The following VSIG10L2 variants were observed in gnomAD, a reference collection of about 807,000 sequenced individuals.
VSIG10L2 encodes V-set and immunoglobulin domain containing 10 like 2.
VSIG10L2 carries 56 observed loss-of-function variants against 67.1 expected under a neutral mutation model. The observed-to-expected ratio is 0.83, with a 90% CI of 0.67 to 1.04. VSIG10L2 has a LOEUF of 1.04. VSIG10L2 is among the 50% of genes least tolerant of loss of function. The probability of loss-of-function intolerance (pLI) is 0.00; values close to 1 mark genes in which losing one functional copy is unlikely to be tolerated. For synonymous variants in VSIG10L2, 360 were observed against 396.6 expected (o/e 0.91, Z 1.10); for missense variants, 843 against 932.8 (o/e 0.90, Z 1.25).
rs1945359395 is a variant in VSIG10L2, at chr11:125,950,939, G to A, written c.1015G>A (p.Val339Met). The stretch of plus-strand genomic sequence containing the variant: ...CCCTGAGGGACAGCCCTCCTGTGCA[G>A]TGCATCCCAGCCCTGAGGCTGTGAC... The part of the protein sequence containing the change: ...YPPEGQPSCA[V>M]HPSPEAVTLL... The change falls in exon 5 of 12, where the codon GTG becomes ATG. Residue 339 changes from valine to methionine, a missense_variant. Physicochemically the swap from Val to Met is conservative, Grantham distance 21 (BLOSUM62 1). Around this residue, in one of 2 missense-constraint regions of VSIG10L2, gnomAD observed 446 missense variants for 548.4 expected, o/e 0.81. Coordinates refer to ENST00000686984, the MANE Select transcript of VSIG10L2 (RefSeq NM_001365077.2). The A allele has an allele frequency of 8.1e-7, 1 of 1,232,494 alleles. No individual in the cohort carries two copies. 76.3% of individuals were successfully genotyped at this position (1,232,494 alleles called of 1,614,324 possible). A position where few individuals can be genotyped will look rare whatever the true frequency, so the allele number is the denominator to read the frequency against.
chr11:125,949,368 A>G (rs1945335219), intron 3 of VSIG10L2, among the ~76,000 whole-genome samples: 1 of 152,146 alleles, frequency 6.6e-6, no homozygotes, highest in Non-Finnish European at 1.5e-5. Flanking sequence ...CTGGTCTTAG[A>G]CGTTTTAAGG....
Position 125,951,106 on chromosome 11 carries a change from C to T in VSIG10L2, c.1182C>T (p.Cys394=). 1 of 1,232,914 alleles carries T rather than the reference C, an allele frequency of 8.1e-7. No individual in the cohort carries two copies. 76.4% of individuals were successfully genotyped at this position (1,232,914 alleles called of 1,614,324 possible). The change falls in exon 5 of 12, where the codon TGC becomes TGT. Residue 394 remains cysteine (C), a synonymous_variant. Coordinates refer to ENST00000686984, the MANE Select transcript of VSIG10L2 (RefSeq NM_001365077.2). ...AQLPSGSVFT[C]TGQHPALAPP... ...TCCCCAGTGGCAGCGTCTTCACCTG[C>T]ACTGGCCAGCACCCAGCCCTGGCAC...
intron 1 of VSIG10L2, chr11:125,947,394 G>C (rs926411175): frequency 3.7e-5 from 36 of 984,892 alleles, no homozygotes; most frequent in Non-Finnish European, 4.2e-5. Context: ...TGACGTCCAC[G>C]AATCTGCCTT....
intron 9 of VSIG10L2, among the ~76,000 whole-genome samples, 54 bp from the exon 10 acceptor site, chr11:125,955,428 T>C (rs1455641990): frequency 6.6e-6 from 1 of 152,214 alleles, no homozygotes; most frequent in Non-Finnish European, 1.5e-5. Flanking sequence ...GCCATTCTCC[T>C]GGGATCTCTG....
In VSIG10L2 at chr11:125,947,756, C is replaced by A; in HGVS notation, c.153C>A (p.Ser51=). The change falls in exon 2 of 12, where the codon TCC becomes TCA. Residue 51 remains serine (S), a synonymous_variant. Transcript: ENST00000686984. ...CTGTCCAGGGAGTGCGAGGTGGCTC[C>A]GTGGAGCTGGCCTGTGGCTCAGGGC... ...VVSVQGVRGG[S]VELACGSGPA... 1.6e-6 allele frequency: 2 copies of A among 1,232,424 alleles called. No individual in the cohort carries two copies. Among genetic ancestry groups the A allele is most frequent in the Non-Finnish European group, 1.0e-6 (1 of 988,192 alleles). 76.3% of individuals were successfully genotyped at this position (1,232,424 alleles called of 1,614,324 possible).
At chr11:125,953,852 T>C (rs182648282) in intron 7 of VSIG10L2, among the ~76,000 whole-genome samples, 162 bp downstream of exon 7, 73 of 152,328 alleles carry the variant, frequency 4.8e-4, no homozygotes, top group African/African-American at 1.6e-3. Context: ...ATGGGCAACA[T>C]GCGCGTGAAT....
intron 1 of VSIG10L2, 143 bp from the exon 2 acceptor site, chr11:125,947,543 A>C: frequency 8.1e-7 from 1 of 1,230,708 alleles, no homozygotes; most frequent in African/African-American, 1.5e-5. Flanking sequence ...CACCAACTCC[A>C]GAAGTGCTTT....
intron 3 of VSIG10L2, among the ~76,000 whole-genome samples, chr11:125,949,289 C>T (rs1018099385): frequency 3.1e-5 from 4 of 128,486 alleles, no homozygotes; most frequent in African/African-American, 1.2e-4. Context: ...GTCATTTTTA[C>T]GTAAGATTTG....
Position 125,954,239 on chromosome 11 carries a change from G to A in VSIG10L2, c.1939G>A (p.Ala647Thr). Residue 647 changes from alanine to threonine, a missense_variant, in exon 8 of 12, where the codon GCG becomes ACG. Ala to Thr is a moderately conservative substitution (Grantham distance 58). Coordinates refer to ENST00000686984, the MANE Select transcript of VSIG10L2 (RefSeq NM_001365077.2). Reference protein sequence around the residue: ...KASALGPGAGAWETAASDIEP... With the variant: ...KASALGPGAGTWETAASDIEP... ...CAGTGCCCTGGGCCCAGGAGCTGGG[G>A]CGTGGGAGACAGCAGCTAGTGACAT... The A allele has an allele frequency of 1.5e-5, 19 of 1,232,244 alleles. No homozygotes were observed. The highest frequency in any genetic ancestry group is 1.9e-5 in the Non-Finnish European group (19 of 988,054). The allele number at this position is 1,232,244 out of a possible 1,614,324, so 76.3% of individuals were successfully genotyped here. A position where few individuals can be genotyped will look rare whatever the true frequency, so the allele number is the denominator to read the frequency against.
rs983872332 is a variant in VSIG10L2 at position 125,953,636 on chromosome 11, G to A, written c.1732G>A (p.Val578Met). The A allele has an allele frequency of 3.3e-5, 41 of 1,232,158 alleles. No homozygotes were observed. The highest frequency in any genetic ancestry group is 8.4e-5 in the Admixed American group (2 of 23,708). 76.3% of individuals were successfully genotyped at this position (1,232,158 alleles called of 1,614,324 possible). ...ACACCACAGGGGCACCTACCAATGC[G>A]TGGCCCGCAACGCCGTGGGCAATAG... ...PAHHRGTYQC[V>M]ARNAVGNSSQ... The change falls in exon 7 of 12, where the codon GTG becomes ATG. Residue 578 changes from valine (V) to methionine (M), a missense_variant. By Grantham distance (21) the Val-to-Met change is conservative (BLOSUM62 1). Around this residue, in one of 2 missense-constraint regions of VSIG10L2, gnomAD observed 397 missense variants for 384.4 expected, o/e 1.03. Transcript: ENST00000686984.
intron 3 of VSIG10L2, 73 bp from the exon 4 acceptor site, chr11:125,949,941 A>C: frequency 2.5e-6 from 3 of 1,222,202 alleles, no homozygotes; most frequent in South Asian, 4.3e-5. Flanking sequence ...GGATGCATAC[A>C]TTCAGAGATG....
In VSIG10L2 at chr11:125,950,170, CG is replaced by C; in HGVS notation, c.870del (p.Pro291LeufsTer56). The C allele has an allele frequency of 8.1e-7, 1 of 1,232,342 alleles. No individual in the cohort carries two copies. The highest frequency in any genetic ancestry group is 4.2e-5 in the Admixed American group (1 of 23,724). 76.3% of individuals were successfully genotyped at this position (1,232,342 alleles called of 1,614,324 possible). ...CTCCGTGACCACACGCAAGTCCACA[CG>C]GGGCCTACCTATGTCATCGCCAGAG... ...VWLRDHTQVH[T>X]GPTYVIARAG... On this transcript the variant is annotated frameshift_variant, in exon 4 of 12. Transcript: ENST00000686984. LOFTEE classifies it high-confidence loss of function.
In VSIG10L2 at chr11:125,955,615, G is replaced by A. The variant is rs969063129; in HGVS notation, c.2232G>A (p.Thr744=). 3 of 1,529,778 alleles carry A rather than the reference G, an allele frequency of 2.0e-6. No individual in the cohort carries two copies. Among genetic ancestry groups the A allele is most frequent in the Non-Finnish European group, 2.6e-6 (3 of 1,143,680 alleles). The allele number at this position is 1,529,778 out of a possible 1,614,324, so 94.8% of individuals were successfully genotyped here. A position where few individuals can be genotyped will look rare whatever the true frequency, so the allele number is the denominator to read the frequency against. ...CTTTACTCTCCCACTTCACTCTCAGGGAGCAAAGGCACCAACAGAGGGGTT... is the reference window on the plus strand; with the variant it reads ...CTTTACTCTCCCACTTCACTCTCAGAGAGCAAAGGCACCAACAGAGGGGTT... ...FPRLGQLLVP[T]EQRHQQRGSR... The change falls in exon 11 of 12, where the codon ACG becomes ACA. Residue 744 remains threonine, a splice_region_variant and synonymous_variant. Coordinates refer to ENST00000686984, the MANE Select transcript of VSIG10L2 (RefSeq NM_001365077.2).
In VSIG10L2 at chr11:125,951,798, C is replaced by T; in HGVS notation, c.1235-15C>T. 1 of 1,482,844 alleles carries T rather than the reference C, an allele frequency of 6.7e-7. No individual in the cohort carries two copies. Among genetic ancestry groups the T allele is most frequent in the Non-Finnish European group, 9.0e-7 (1 of 1,116,818 alleles). 91.9% of individuals were successfully genotyped at this position (1,482,844 alleles called of 1,614,324 possible). On this transcript the variant is annotated splice_polypyrimidine_tract_variant and intron_variant, in intron 5 of 11. Coordinates refer to ENST00000686984, the MANE Select transcript of VSIG10L2 (RefSeq NM_001365077.2). ...CTCCTTCCACAGGGCCATACTGAGC[C>T]ATCATTCCTTCCAGGGGAGCCTCTC...
intron 3 of VSIG10L2, 49 bp downstream of exon 3, chr11:125,948,629 C>G: frequency 8.1e-7 from 1 of 1,230,930 alleles, no homozygotes; most frequent in Non-Finnish European, 1.0e-6. Context: ...ACCCATCTCC[C>G]CATCCACACT....
At position 125,950,070 on chromosome 11, in the gene VSIG10L2, T is replaced by C. The variant is rs983474856; in HGVS notation, c.766T>C (p.Phe256Leu). 1.1e-4 allele frequency: 140 copies of C among 1,232,224 alleles called. 1 individual carries two copies. The African/African-American group carries it at 2.0e-3, about 18-fold the overall frequency. 76.3% of individuals were successfully genotyped at this position (1,232,224 alleles called of 1,614,324 possible). A position where few individuals can be genotyped will look rare whatever the true frequency, so the allele number is the denominator to read the frequency against. ...GCCGCTGGGACTCACTGAGGAGGGC[T>C]TCTGGGCCAGTGAGAGGGAAGAGGT... Reference protein sequence around the residue: ...MEPLGLTEEGFWASEREEVTL... With the variant: ...MEPLGLTEEGLWASEREEVTL... The change falls in exon 4 of 12, where the codon TTC becomes CTC. Residue 256 changes from phenylalanine (F) to leucine (L), a missense_variant. Physicochemically the swap from Phe to Leu is conservative, Grantham distance 22. Transcript: ENST00000686984.
At chr11:125,952,581 T>C (rs1945392686) in intron 6 of VSIG10L2, among the ~76,000 whole-genome samples, 2 of 152,160 alleles carry the variant, frequency 1.3e-5, no homozygotes, top group African/African-American at 2.4e-5. Flanking sequence ...CTAGATGAAG[T>C]GGAAATGCCA....
At position 125,955,060 on chromosome 11, in the gene VSIG10L2, A is replaced by AC. The variant is rs896000755; in HGVS notation, c.2094dup (p.Phe699LeufsTer60). On this transcript the variant is annotated frameshift_variant, in exon 9 of 12. Coordinates refer to ENST00000686984, the MANE Select transcript of VSIG10L2 (RefSeq NM_001365077.2). LOFTEE classifies it high-confidence loss of function. ...AACCTGTGCTCTCCCCTCCTAGCGG[A>AC]CCCCCCCTTCAGCGCCTACCCAGCG... 180 of 1,234,416 alleles carry AC rather than the reference A, an allele frequency of 1.5e-4. 1 individual carries two copies. Among genetic ancestry groups the AC allele is most frequent in the Admixed American group, 1.0e-3 (24 of 24,028 alleles). 76.5% of individuals were successfully genotyped at this position (1,234,416 alleles called of 1,614,324 possible). A position where few individuals can be genotyped will look rare whatever the true frequency, so the allele number is the denominator to read the frequency against.
At chr11:125,949,685 G>A (rs529012365) in intron 3 of VSIG10L2, among the ~76,000 whole-genome samples, 4 of 152,242 alleles carry the variant, frequency 2.6e-5, no homozygotes, top group East Asian at 3.9e-4. Flanking sequence ...TACAGTGGCC[G>A]AATGTCTGCT....
Sources: allele counts gnomAD v4.1 joint callset (sites outside exome capture counted in the v4.1 genomes callset), GRCh38; gene constraint gnomAD v4.1.1; regional missense constraint gnomAD v4.1.1; transcripts MANE v1.5; gene names NCBI Gene and HGNC (gene_info 2026-07-23, HGNC 2026-07-21).